Variants in HOOK3 observed in about 807,000 individuals in gnomAD.
HOOK3 encodes the protein protein Hook homolog 3.
Under a neutral mutation model 116.3 loss-of-function variants are expected in HOOK3, and 24 were observed. The observed-to-expected ratio is 0.21, with a 90% CI of 0.15 to 0.29. The LOEUF is 0.29. Among genes scored for constraint, HOOK3 ranks in the 10% least tolerant of loss-of-function variants. HOOK3 has a pLI of 1.00. For missense variants in HOOK3, 632 were observed against 830.2 expected, an observed-to-expected ratio of 0.76 and a Z score of 2.93; for synonymous variants, 275 against 283.0, an observed-to-expected ratio of 0.97 and a Z score of 0.28.
At chr8:42,982,222 T>G in intron 13 of HOOK3, among the ~76,000 whole-genome samples, 1 of 141,144 alleles carries the variant, frequency 7.1e-6, no homozygotes. Context: ...GCCATTGCAT[T>G]CCAGCCTGGG....
intron 5 of HOOK3, among the ~76,000 whole-genome samples, chr8:42,948,027 G>C (rs1473090485): frequency 6.6e-6 from 1 of 152,072 alleles, no homozygotes; most frequent in African/African-American, 2.4e-5. Context: ...TAAAATGGTG[G>C]TAAGTTTGAA....
chr8:42,999,269 C>T (rs1328725626), intron 16 of HOOK3, among the ~76,000 whole-genome samples: 5 of 152,152 alleles, frequency 3.3e-5, no homozygotes, highest in Admixed American at 6.5e-5. Context: ...TTTAACAGAA[C>T]GTATTTCAGA....
At chr8:43,002,919 CA>C (rs1177046340) in intron 17 of HOOK3, among the ~76,000 whole-genome samples, 1 of 152,144 alleles carries the variant, frequency 6.6e-6, no homozygotes, top group Non-Finnish European at 1.5e-5. Flanking sequence ...CCTGGAATTA[CA>C]AACAAGGACT....
chr8:43,008,657 ATTTTTATTTTTT>A (rs1230123409), intron 18 of HOOK3, among the ~76,000 whole-genome samples: 1 of 143,810 alleles, frequency 7.0e-6, no homozygotes, highest in African/African-American at 2.6e-5. Flanking sequence ...TTTTATTTTT[ATTTTTATTTTTT>A]TTTTTTTTGA....
intron 8 of HOOK3, among the ~76,000 whole-genome samples, chr8:42,960,885 A>G (rs1808522956): frequency 6.6e-6 from 1 of 152,224 alleles, no homozygotes; most frequent in Non-Finnish European, 1.5e-5. Context: ...TTGTAAAGAA[A>G]TACCCAAGGC....
At chr8:43,010,568 C>T (rs1809586017) in intron 19 of HOOK3, among the ~76,000 whole-genome samples, 163 bp downstream of exon 19, 1 of 152,126 alleles carries the variant, frequency 6.6e-6, no homozygotes, top group African/African-American at 2.4e-5. Flanking sequence ...ACAAGCAGTG[C>T]TCAAAATAGG....
intron 9 of HOOK3, among the ~76,000 whole-genome samples, chr8:42,965,920 A>G (rs992404762): frequency 2.0e-5 from 3 of 152,138 alleles, no homozygotes; most frequent in South Asian, 2.1e-4. Flanking sequence ...TTTCCCGACT[A>G]TGTGTCTGCA....
chr8:42,900,812 A>G (rs913638831), intron 1 of HOOK3, among the ~76,000 whole-genome samples: 3 of 152,242 alleles, frequency 2.0e-5, no homozygotes, highest in African/African-American at 4.8e-5. Context: ...TAACTTCACC[A>G]GAGATTCTCA....
At position 43,020,252 on chromosome 8, in the gene HOOK3, G is replaced by C. The variant is rs1285777456; in HGVS notation, c.*1754G>C. On this transcript the variant is annotated 3_prime_UTR_variant, in exon 22 of 22. Coordinates refer to ENST00000307602, the MANE Select transcript of HOOK3 (RefSeq NM_032410.4). ...TGCCTGACAGGACCACAAAGCAGCA[G>C]AAGTTAGGGATAAATGGAGATAGCC... 5 of 200,412 alleles carry C rather than the reference G, an allele frequency of 2.5e-5. No individual in the cohort carries two copies. The highest frequency in any genetic ancestry group is 1.7e-3 in the Middle Eastern group (1 of 594). The allele number at this position is 200,412 out of a possible 1,614,324, so 12.4% of individuals were successfully genotyped here. A position where few individuals can be genotyped will look rare whatever the true frequency, so the allele number is the denominator to read the frequency against.
chr8:42,941,691 A>C (rs1808130622), intron 4 of HOOK3, among the ~76,000 whole-genome samples: 1 of 152,022 alleles, frequency 6.6e-6, no homozygotes, highest in Non-Finnish European at 1.5e-5. Context: ...ATTTAGAATA[A>C]AACTCACATC....
At chr8:42,919,366 G>A (rs1192632376) in intron 2 of HOOK3, among the ~76,000 whole-genome samples, 13 of 147,044 alleles carry the variant, frequency 8.8e-5, no homozygotes, top group South Asian at 8.6e-4. Context: ...GGGCAGAGGC[G>A]CTCTTCACAT....
chr8:42,974,651 C>T (rs1457609022), intron 13 of HOOK3, among the ~76,000 whole-genome samples: 3 of 152,210 alleles, frequency 2.0e-5, no homozygotes, highest in African/African-American at 4.8e-5. Flanking sequence ...TCGCAAAGCC[C>T]GGGCTCCAGC....
intron 2 of HOOK3, among the ~76,000 whole-genome samples, chr8:42,924,511 C>T (rs1807725450): frequency 6.6e-6 from 1 of 151,964 alleles, no homozygotes; most frequent in Non-Finnish European, 1.5e-5. Context: ...CAGATGTGTC[C>T]AAAACCTAGT....
At chr8:42,954,488 C>T (rs1057246365) in intron 6 of HOOK3, among the ~76,000 whole-genome samples, 1 of 152,026 alleles carries the variant, frequency 6.6e-6, no homozygotes, top group African/African-American at 2.4e-5. Context: ...GTGGTATGTC[C>T]ATATGATGGA....
chr8:42,978,457 C>T (rs898096001), intron 13 of HOOK3, among the ~76,000 whole-genome samples: 1 of 150,610 alleles, frequency 6.6e-6, no homozygotes, highest in Non-Finnish European at 1.5e-5. Flanking sequence ...GTCCCCCAGG[C>T]TGGAGTGCAA....
At position 43,025,903 on chromosome 8, in the gene HOOK3, T is replaced by C. The variant is rs532532233; in HGVS notation, c.*7405T>C. 7.6e-5 allele frequency: 16 copies of C among 209,546 alleles called. No homozygotes were observed. The highest frequency in any genetic ancestry group is 1.5e-4 in the Non-Finnish European group (15 of 103,108). 13.0% of individuals were successfully genotyped at this position (209,546 alleles called of 1,614,324 possible). A position where few individuals can be genotyped will look rare whatever the true frequency, so the allele number is the denominator to read the frequency against. On this transcript the variant is annotated 3_prime_UTR_variant, in exon 22 of 22. Coordinates refer to ENST00000307602, the MANE Select transcript of HOOK3 (RefSeq NM_032410.4). ...GTATATTCAACATTGTGCCATTATT[T>C]ACCTGATAAAGGTGAAATCAGAGGT... is the stretch of plus-strand genomic sequence containing the variant.
At chr8:42,933,685 C>T (rs1055780816) in intron 4 of HOOK3, among the ~76,000 whole-genome samples, 2 of 151,726 alleles carry the variant, frequency 1.3e-5, no homozygotes, top group Non-Finnish European at 2.9e-5. Context: ...ATGAGAGATA[C>T]TTATTTTAAG....
chr8:42,992,058 G>T (rs1809172250), intron 15 of HOOK3, among the ~76,000 whole-genome samples: 1 of 151,958 alleles, frequency 6.6e-6, no homozygotes, highest in Admixed American at 6.6e-5. Context: ...ATCATAAATG[G>T]GATTCTTGAT....
chr8:43,008,849 C>T (rs1397772432), intron 18 of HOOK3, among the ~76,000 whole-genome samples: 1 of 149,176 alleles, frequency 6.7e-6, no homozygotes, highest in African/African-American at 2.5e-5. Context: ...TTAGTAGAGA[C>T]GGGGTTTCAC....
Sources: allele counts gnomAD v4.1 joint callset (sites outside exome capture counted in the v4.1 genomes callset), GRCh38; gene constraint gnomAD v4.1.1; transcripts MANE v1.5; gene names NCBI Gene and HGNC (gene_info 2026-07-23, HGNC 2026-07-21).